DDB1: variants seen among roughly 807,000 people sequenced by gnomAD.
DDB1 encodes DNA damage-binding protein 1.
Under a neutral mutation model 133.1 loss-of-function variants are expected in DDB1, and 18 were observed. The ratio of observed to expected loss-of-function variants is 0.14; its 90% confidence interval spans 0.09 to 0.20. The LOEUF (loss-of-function observed/expected upper bound fraction) is 0.20. Among genes scored for constraint, DDB1 ranks in the 10% least tolerant of loss-of-function variants. DDB1 has a pLI of 1.00. For missense variants in DDB1, 828 were observed against 1,459.2 expected, an observed-to-expected ratio of 0.57 and a Z score of 7.05; for synonymous variants, 580 against 550.5, an observed-to-expected ratio of 1.05 and a Z score of -0.75.
In DDB1 at chr11:61,324,020, T is replaced by C. The variant is rs1207117508; in HGVS notation, c.880A>G (p.Thr294Ala). The change falls in exon 7 of 27, where the codon ACC becomes GCC. Residue 294 changes from threonine to alanine, a missense_variant. Coordinates refer to ENST00000301764, the MANE Select transcript of DDB1 (RefSeq NM_001923.5). ...LLEKEEQMDG[T>A]VTLKDLRVEL... ...ACACGGAGATCCTTGAGAGTGACGGTGCCATCCATCTGTTCCTCCTTCTCC... is the reference window on the plus strand; with the variant it reads ...ACACGGAGATCCTTGAGAGTGACGGCGCCATCCATCTGTTCCTCCTTCTCC... 1.9e-6 allele frequency: 3 copies of C among 1,613,478 alleles called. No homozygotes were observed. The Admixed American group carries it at 5.0e-5, about 27-fold the overall frequency.
intron 8 of DDB1, chr11:61,322,722 T>C (rs1427929029): frequency 1.8e-6 from 1 of 542,000 alleles, no homozygotes; most frequent in Admixed American, 3.2e-5. Flanking sequence ...AGTTTTCATA[T>C]TCTAGAAGAA....
rs376923688 is a variant in DDB1, at chr11:61,312,064, C to T, written c.2090G>A (p.Ser697Asn). ...ATCGATGGTGCCAATGGTGAGGGTG[C>T]TATTGTTGGCCAGCGCCAGGCTGGA... ...YPDSLALANNSTLTIGTIDEI... is the reference protein window; with the variant it reads ...YPDSLALANNNTLTIGTIDEI... Residue 697 changes from serine to asparagine, a missense_variant, in exon 17 of 27, where the codon AGC (serine) becomes AAC (asparagine). Around this residue, in one of 7 missense-constraint regions of DDB1, gnomAD observed 396 missense variants for 554.1 expected, o/e 0.71. Coordinates refer to ENST00000301764, the MANE Select transcript of DDB1 (RefSeq NM_001923.5). The T allele has an allele frequency of 3.1e-5, 50 of 1,614,070 alleles. No individual in the cohort carries two copies. Among genetic ancestry groups the T allele is most frequent in the Non-Finnish European group, 4.1e-5 (48 of 1,180,050 alleles).
At chr11:61,302,155 G>A in intron 25 of DDB1, 102 bp downstream of exon 25, 2 of 1,022,274 alleles carry the variant, frequency 2.0e-6, no homozygotes, top group Middle Eastern at 2.1e-4. Context: ...TTCTGTACAG[G>A]AACCTAATCA....
chr11:61,323,861 C>T, intron 7 of DDB1, 118 bp downstream of exon 7: 2 of 1,135,844 alleles, frequency 1.8e-6, no homozygotes, highest in Non-Finnish European at 2.6e-6. Context: ...GCAGGAACAA[C>T]AGTTTGTTGT....
chr11:61,326,030 G>C, intron 5 of DDB1: 1 of 385,614 alleles, frequency 2.6e-6, no homozygotes, highest in Non-Finnish European at 4.8e-6. Flanking sequence ...CCAAGTAAAA[G>C]CTTTTACTTT....
In DDB1 at chr11:61,314,317, C is replaced by T. The variant is rs928399707; in HGVS notation, c.1580G>A (p.Arg527Gln). The change falls in exon 13 of 27, where the codon CGG (arginine) becomes CAG (glutamine). Residue 527 changes from arginine to glutamine, a missense_variant. This residue lies in a region of DDB1 where 396 missense variants were observed against 554.1 expected (regional missense o/e 0.71). Coordinates refer to ENST00000301764, the MANE Select transcript of DDB1 (RefSeq NM_001923.5). ...YYLQIHPQEL[R>Q]QISHTEMEHE... Reference sequence around the variant, plus strand: ...AGAAAAACACACACACCTGATCTGCCGGAGCTCCTGAGGATGGATCTGCAG... The same window carrying T: ...AGAAAAACACACACACCTGATCTGCTGGAGCTCCTGAGGATGGATCTGCAG... 2.5e-5 allele frequency: 40 copies of T among 1,610,808 alleles called. No individual in the cohort carries two copies. The highest frequency in any genetic ancestry group is 3.4e-5 in the Admixed American group (2 of 59,208).
chr11:61,325,508 C>T, intron 6 of DDB1, 103 bp downstream of exon 6: 1 of 902,236 alleles, frequency 1.1e-6, no homozygotes, highest in Non-Finnish European at 1.7e-6. Context: ...AATTGTGTAA[C>T]AGGCATCTGT....
intron 10 of DDB1, 130 bp from the exon 11 acceptor site, chr11:61,316,697 G>C: frequency 1.1e-6 from 1 of 944,284 alleles, no homozygotes; most frequent in Non-Finnish European, 1.7e-6. Flanking sequence ...AGAGGCAGGA[G>C]GACTGCTTGG....
At position 61,329,477 on chromosome 11, in the gene DDB1, T is replaced by C; in HGVS notation, c.435A>G (p.Leu145=). Residue 145 remains leucine (L), a synonymous_variant, in exon 4 of 27, where the codon CTA becomes CTG. Transcript: ENST00000301764. The part of the protein sequence containing the change: ...LYDGLFKVIP[L]DRDNKELKAF... ...CCTTGAGTTCTTTATTATCGCGATC[T>C]AGTGGAATAACCTTGAAAAGGCCAT... 3.1e-6 allele frequency: 5 copies of C among 1,614,118 alleles called. No individual in the cohort carries two copies. The highest frequency in any genetic ancestry group is 4.2e-6 in the Non-Finnish European group (5 of 1,179,988).
chr11:61,322,962 G>C (rs762548961), intron 8 of DDB1, 49 bp downstream of exon 8: 2 of 1,482,456 alleles, frequency 1.3e-6, no homozygotes, highest in Non-Finnish European at 9.3e-7. Flanking sequence ...ATTTGATGAA[G>C]AAACAGTGAG....
rs776941531 is a variant in DDB1 at position 61,316,557 on chromosome 11, T to C, written c.1236A>G (p.Pro412=). The change falls in exon 11 of 27, where the codon CCA becomes CCG. Residue 412 remains proline (P), a synonymous_variant. Transcript: ENST00000301764. ...TCTCACGATTAGGGTCAGACCGCAG[T>C]GGCCATAATCCTGGAACAAGGACCA... ...IDLPGIKGLW[P]LRSDPNRETD... 4 of 1,614,102 alleles carry C rather than the reference T, an allele frequency of 2.5e-6. No individual in the cohort carries two copies. The highest frequency in any genetic ancestry group is 1.7e-4 in the Middle Eastern group (1 of 6,056).
At chr11:61,300,276 G>T in intron 26 of DDB1, 57 bp from the exon 27 acceptor site, 1 of 1,557,094 alleles carries the variant, frequency 6.4e-7, no homozygotes. Context: ...TCCCACAGGT[G>T]GGGAAGGGAA....
At chr11:61,319,081 T>C (rs937368194) in intron 10 of DDB1, among the ~76,000 whole-genome samples, 8 of 152,100 alleles carry the variant, frequency 5.3e-5, no homozygotes, top group African/African-American at 1.9e-4. Flanking sequence ...TGGCGCATGG[T>C]TGGAGTCCCA....
In DDB1 at chr11:61,311,912, GAAC is replaced by G. The variant is rs1277965678; in HGVS notation, c.2166-20_2166-18del. 9.3e-6 allele frequency: 15 copies of G among 1,613,926 alleles called. No homozygotes were observed. Among genetic ancestry groups the G allele is most frequent in the Admixed American group, 3.3e-5 (2 of 60,002 alleles). On this transcript the variant is annotated intron_variant, in intron 17 of 26. Transcript: ENST00000301764. ...CAGATCTTCCTGCAGAACAAGTACAGAACAACAGTGTCACTTAGAAAGTCAGAA... is the reference window on the plus strand; with the variant it reads ...CAGATCTTCCTGCAGAACAAGTACAGAACAGTGTCACTTAGAAAGTCAGAA...
At chr11:61,310,687 C>T in intron 18 of DDB1, 1 of 301,620 alleles carries the variant, frequency 3.3e-6, no homozygotes, top group East Asian at 6.1e-5. Flanking sequence ...ACTCAGGTGA[C>T]CTAATGGGGA....
Position 61,299,821 on chromosome 11 carries a change from C to T in DDB1, c.*315G>A. On this transcript the variant is annotated 3_prime_UTR_variant, in exon 27 of 27. Coordinates refer to ENST00000301764, the MANE Select transcript of DDB1 (RefSeq NM_001923.5). ...TACACACACACACACGCACAGCTTC[C>T]TTTCAGCCAAAGAACTGCAAAATCC... The T allele has an allele frequency of 2.2e-6, 1 of 448,852 alleles. No individual in the cohort carries two copies. The highest frequency in any genetic ancestry group is 3.4e-5 in the Admixed American group (1 of 29,246). The allele number at this position is 448,852 out of a possible 1,614,324, so 27.8% of individuals were successfully genotyped here.
intron 4 of DDB1, among the ~76,000 whole-genome samples, chr11:61,328,789 T>C (rs560111636): frequency 1.7e-4 from 26 of 152,218 alleles, no homozygotes; most frequent in African/African-American, 5.8e-4. Flanking sequence ...GAGAATCGCT[T>C]GAACCAGGAG....
At chr11:61,322,779 T>C (rs887059346) in intron 8 of DDB1, 6 of 558,296 alleles carry the variant, frequency 1.1e-5, no homozygotes, top group African/African-American at 3.7e-5. Context: ...GAGCTGGGTC[T>C]TGTTCATCAA....
At position 61,302,676 on chromosome 11, in the gene DDB1, G is replaced by A. The variant is rs1356955581; in HGVS notation, c.3018C>T (p.Val1006=). The part of the protein sequence containing the change: ...GLFHLGEFVN[V]FCHGSLVMQN... ...GCATTACCAGAGAGCCGTGGCAAAA[G>A]ACATTGACAAACTCGCCCAGGTGGA... is the stretch of plus-strand genomic sequence containing the variant. Residue 1006 remains valine, a synonymous_variant, in exon 24 of 27, where the codon GTC becomes GTT. Coordinates refer to ENST00000301764, the MANE Select transcript of DDB1 (RefSeq NM_001923.5). 1 of 1,614,214 alleles carries A rather than the reference G, an allele frequency of 6.2e-7. No homozygotes were observed. The highest frequency in any genetic ancestry group is 1.1e-5 in the South Asian group (1 of 91,086).
Sources: allele counts gnomAD v4.1 joint callset (sites outside exome capture counted in the v4.1 genomes callset), GRCh38; gene constraint gnomAD v4.1.1; regional missense constraint gnomAD v4.1.1; transcripts MANE v1.5; gene names NCBI Gene and HGNC (gene_info 2026-07-23, HGNC 2026-07-21).